Variants in STON2 observed in about 807,000 individuals in gnomAD.
STON2 encodes stonin-2.
Under a neutral mutation model 65.7 loss-of-function variants are expected in STON2, and 29 were observed. That is an observed-to-expected ratio of 0.44 (90% CI 0.33 to 0.60). The LOEUF (loss-of-function observed/expected upper bound fraction) is 0.60. Among genes scored for constraint, STON2 ranks in the 20% least tolerant of loss-of-function variants. The pLI, the probability that STON2 is intolerant of heterozygous loss-of-function variation, is 0.03. For synonymous variants in STON2, 404 were observed against 414.2 expected (o/e 0.98, Z 0.30); for missense variants, 1,054 against 1,118.1 (o/e 0.94, Z 0.82).
intron 4 of STON2, among the ~76,000 whole-genome samples, chr14:81,340,493 G>C (rs556613946): frequency 2.0e-5 from 3 of 152,164 alleles, no homozygotes; most frequent in Non-Finnish European, 4.4e-5. Flanking sequence ...TAAAATCAGG[G>C]GAGATGAGCA....
chr14:81,382,825 C>T (rs918895110), intron 3 of STON2, among the ~76,000 whole-genome samples: 1 of 152,160 alleles, frequency 6.6e-6, no homozygotes, highest in African/African-American at 2.4e-5. Context: ...AGATAAAATG[C>T]CAACGTTTCT....
At chr14:81,281,221 A>T (rs1348919181) in intron 5 of STON2, among the ~76,000 whole-genome samples, 1 of 152,190 alleles carries the variant, frequency 6.6e-6, no homozygotes, top group Non-Finnish European at 1.5e-5. Flanking sequence ...GTTTTGTATA[A>T]GTGATTAATT....
chr14:81,307,262 A>G (rs1896218616), intron 5 of STON2, among the ~76,000 whole-genome samples: 1 of 152,240 alleles, frequency 6.6e-6, no homozygotes, highest in Admixed American at 6.5e-5. Context: ...GCATTTCTGG[A>G]TTGCATCTTT....
chr14:81,347,472 AC>A (rs1424960631), intron 4 of STON2, among the ~76,000 whole-genome samples: 1 of 152,090 alleles, frequency 6.6e-6, no homozygotes, highest in Non-Finnish European at 1.5e-5. Flanking sequence ...AGATGGCTTT[AC>A]ATTGAATTCT....
At chr14:81,362,729 C>T (rs1177388061) in intron 4 of STON2, among the ~76,000 whole-genome samples, 1 of 152,082 alleles carries the variant, frequency 6.6e-6, no homozygotes. Context: ...AAAATCATAA[C>T]ATAACTTTGT....
At chr14:81,430,692 A>G (rs1255433828) in intron 1 of STON2, among the ~76,000 whole-genome samples, 1 of 152,242 alleles carries the variant, frequency 6.6e-6, no homozygotes, top group Non-Finnish European at 1.5e-5. Context: ...CAGTAACACT[A>G]AAGTCTACCT....
At chr14:81,309,017 C>T (rs1185865449) in intron 5 of STON2, among the ~76,000 whole-genome samples, 1 of 150,320 alleles carries the variant, frequency 6.7e-6, no homozygotes, top group African/African-American at 2.4e-5. Context: ...ATTAACCTTT[C>T]CCTGGTGTTT....
intron 2 of STON2, among the ~76,000 whole-genome samples, chr14:81,408,509 C>G (rs1900987162): frequency 6.6e-6 from 1 of 152,196 alleles, no homozygotes; most frequent in African/African-American, 2.4e-5. Flanking sequence ...AATCTCCTAA[C>G]CCTAGGTGGC....
intron 4 of STON2, among the ~76,000 whole-genome samples, chr14:81,340,062 G>C (rs936695848): frequency 6.6e-6 from 1 of 152,188 alleles, no homozygotes; most frequent in Non-Finnish European, 1.5e-5. Context: ...GCTGAGGCAG[G>C]AGAATGGCAT....
At chr14:81,418,523 T>C (rs370941127) in intron 2 of STON2, among the ~76,000 whole-genome samples, 3 of 152,156 alleles carry the variant, frequency 2.0e-5, no homozygotes, top group African/African-American at 7.2e-5. Context: ...AGATTACAGT[T>C]TAAAGCTTAA....
At chr14:81,343,019 A>C (rs1456226804) in intron 4 of STON2, among the ~76,000 whole-genome samples, 1 of 152,164 alleles carries the variant, frequency 6.6e-6, no homozygotes. Context: ...ACCACATCTC[A>C]GGGAGGGTAG....
intron 5 of STON2, among the ~76,000 whole-genome samples, chr14:81,316,367 C>T (rs1896619940): frequency 6.6e-6 from 1 of 152,228 alleles, no homozygotes; most frequent in Non-Finnish European, 1.5e-5. Flanking sequence ...CTTACTTTCT[C>T]TAACATTGTG....
chr14:81,418,655 T>C (rs1307725247), intron 2 of STON2, among the ~76,000 whole-genome samples: 1 of 152,210 alleles, frequency 6.6e-6, no homozygotes, highest in Non-Finnish European at 1.5e-5. Flanking sequence ...GATTGAAGCT[T>C]GCCTCAGGTA....
chr14:81,374,762 T>C (rs1361138766), intron 3 of STON2, among the ~76,000 whole-genome samples: 1 of 152,120 alleles, frequency 6.6e-6, no homozygotes, highest in African/African-American at 2.4e-5. Flanking sequence ...GTCTCATAGA[T>C]ATCTAATATG....
At chr14:81,353,015 ATG>A in intron 4 of STON2, among the ~76,000 whole-genome samples, 1 of 152,332 alleles carries the variant, frequency 6.6e-6, no homozygotes, top group African/African-American at 2.4e-5. Context: ...GAAGAAAAAT[ATG>A]GCTATTTTGG....
In STON2 at chr14:81,265,283, A is replaced by T; in HGVS notation, c.*3131T>A. The T allele has an allele frequency of 1.0e-6, 1 of 984,026 alleles. No individual in the cohort carries two copies. The allele number at this position is 984,026 out of a possible 1,614,324, so 61.0% of individuals were successfully genotyped here. On this transcript the variant is annotated 3_prime_UTR_variant, in exon 8 of 8. Transcript: ENST00000614646. ...TATTATCCCCAAACCCCTAAATGCT[A>T]CCCATAATCAGTTTCCTAAAAACAG...
At chr14:81,327,168 A>C (rs1897032196) in intron 4 of STON2, among the ~76,000 whole-genome samples, 2 of 152,240 alleles carry the variant, frequency 1.3e-5, no homozygotes, top group Non-Finnish European at 2.9e-5. Flanking sequence ...AAAATAAAAT[A>C]AAATGTGAAT....
At chr14:81,401,729 C>T (rs149122142), upstream of STON2, among the ~76,000 whole-genome samples, 32 of 152,268 alleles carry the variant, frequency 2.1e-4, no homozygotes, top group East Asian at 6.2e-3. Context: ...CTTGGAGTTG[C>T]CATTTCAGAG....
chr14:81,387,896 A>C lies in STON2; in HGVS notation c.373+7998T>G, dbSNP rs561180796. Among the ~76,000 whole-genome samples the C allele has an allele frequency of 6.6e-5, 10 of 150,472 alleles. 1 individual carries two copies. In the East Asian group the frequency reaches 2.0e-3, roughly 30 times the overall value. On this transcript the variant is annotated intron_variant, in intron 3 of 7. Coordinates refer to ENST00000614646, the MANE Select transcript of STON2 (RefSeq NM_001394390.1). Reference sequence around the variant, plus strand: ...ACAAGAGTGAGACTCAGTCTCAAAAAAAAAAGGCTTTTGTCACTCTCATTT... The same window carrying C: ...ACAAGAGTGAGACTCAGTCTCAAAACAAAAAGGCTTTTGTCACTCTCATTT...
Sources: allele counts gnomAD v4.1 joint callset (sites outside exome capture counted in the v4.1 genomes callset), GRCh38; gene constraint gnomAD v4.1.1; transcripts MANE v1.5; gene names NCBI Gene and HGNC (gene_info 2026-07-23, HGNC 2026-07-21).